DGKI: variants seen among roughly 807,000 people sequenced by gnomAD.
The protein encoded by DGKI is DAG kinase iota.
DGKI carries 55 observed loss-of-function variants against 147.5 expected under a neutral mutation model. The ratio of observed to expected loss-of-function variants is 0.37; its 90% CI spans 0.30 to 0.47. The LOEUF (loss-of-function observed/expected upper bound fraction) is 0.47. Among genes scored for constraint, DGKI ranks in the 20% least tolerant of loss-of-function variants. The probability of loss-of-function intolerance (pLI) is 1.00; values close to 1 mark genes in which losing one functional copy is unlikely to be tolerated. For synonymous variants in DGKI, 469 were observed against 477.1 expected, an observed-to-expected ratio of 0.98 and a Z score of 0.22; for missense variants, 1,007 against 1,323.8, an observed-to-expected ratio of 0.76 and a Z score of 3.71.
intron 1 of DGKI, among the ~76,000 whole-genome samples, chr7:137,763,501 C>T (rs1795921613): frequency 6.6e-6 from 1 of 152,216 alleles, no homozygotes; most frequent in African/African-American, 2.4e-5. Context: ...TGTCCAACGA[C>T]TCCCAAACTG....
At chr7:137,774,226 T>C (rs948465419) in intron 1 of DGKI, among the ~76,000 whole-genome samples, 1 of 152,120 alleles carries the variant, frequency 6.6e-6, no homozygotes, top group Admixed American at 6.5e-5. Flanking sequence ...TAGAGCAACA[T>C]GAAAAGGTAC....
chr7:137,487,927 C>T (rs1042742098), intron 21 of DGKI, among the ~76,000 whole-genome samples: 1 of 152,132 alleles, frequency 6.6e-6, no homozygotes, highest in Admixed American at 6.5e-5. Flanking sequence ...CCACCTGCCC[C>T]TCATCTCATT....
intron 28 of DGKI, among the ~76,000 whole-genome samples, chr7:137,440,536 A>G (rs1813459871): frequency 6.6e-6 from 1 of 152,224 alleles, no homozygotes; most frequent in Non-Finnish European, 1.5e-5. Context: ...CATGGCCGAT[A>G]AAAGAGAGTT....
At position 137,609,624 on chromosome 7, in the gene DGKI, A is replaced by G. The variant is rs755398303; in HGVS notation, c.994-15T>C. ...TTCAGGGAGTTCTGTAGGGAGAGAG[A>G]GAAATGCCTGAGCTCAGAGGCAGCC... On this transcript the variant is annotated splice_polypyrimidine_tract_variant and intron_variant, in intron 8 of 32. Transcript: ENST00000614521. 2.5e-6 allele frequency: 4 copies of G among 1,606,726 alleles called. No individual in the cohort carries two copies. The highest frequency in any genetic ancestry group is 1.1e-5 in the South Asian group (1 of 90,762).
At chr7:137,663,372 A>T in intron 3 of DGKI, among the ~76,000 whole-genome samples, 1 of 152,224 alleles carries the variant, frequency 6.6e-6, no homozygotes, top group East Asian at 1.9e-4. Flanking sequence ...CTGAACCAGT[A>T]AAAAGGGTCT....
chr7:137,489,952 A>G (rs577130004), intron 21 of DGKI, among the ~76,000 whole-genome samples: 4 of 152,284 alleles, frequency 2.6e-5, no homozygotes, highest in Non-Finnish European at 5.9e-5. Flanking sequence ...TATTCAAGAT[A>G]TGGAATCAAG....
At chr7:137,635,442 G>A (rs1328216511) in intron 6 of DGKI, among the ~76,000 whole-genome samples, 3 of 152,154 alleles carry the variant, frequency 2.0e-5, no homozygotes, top group African/African-American at 7.2e-5. Flanking sequence ...GCATATTCAG[G>A]ATATGGGCTT....
At chr7:137,474,547 G>A (rs1225905911) in intron 23 of DGKI, among the ~76,000 whole-genome samples, 1 of 152,154 alleles carries the variant, frequency 6.6e-6, no homozygotes, top group Non-Finnish European at 1.5e-5. Flanking sequence ...TGGCGGTGGT[G>A]GATGCTGGAT....
At chr7:137,818,434 G>A (rs1727394789) in intron 1 of DGKI, among the ~76,000 whole-genome samples, 1 of 151,934 alleles carries the variant, frequency 6.6e-6, no homozygotes, top group African/African-American at 2.4e-5. Context: ...CAATTTTTTT[G>A]TTTGTTTCTT....
At chr7:137,760,857 C>T (rs1795837635) in intron 1 of DGKI, among the ~76,000 whole-genome samples, 1 of 152,158 alleles carries the variant, frequency 6.6e-6, no homozygotes, top group Non-Finnish European at 1.5e-5. Flanking sequence ...TCCCTCCTTC[C>T]TTCCAGTCCA....
intron 1 of DGKI, among the ~76,000 whole-genome samples, chr7:137,799,799 T>C (rs1797139401): frequency 6.6e-6 from 1 of 152,240 alleles, no homozygotes; most frequent in South Asian, 2.1e-4. Context: ...AACTTAGATA[T>C]TGTTTGCTGT....
At chr7:137,393,726 G>A (rs1811447824) in intron 32 of DGKI, among the ~76,000 whole-genome samples, 7 of 152,170 alleles carry the variant, frequency 4.6e-5, no homozygotes, top group Admixed American at 3.9e-4. Context: ...CTAGAAACCA[G>A]GACACAGCTC....
rs867263384 is a variant in DGKI at position 137,381,296 on chromosome 7, C to G, written c.*9924G>C. 2.0e-5 allele frequency: 2 copies of G among 98,916 alleles called. No individual in the cohort carries two copies. The highest frequency in any genetic ancestry group is 3.9e-5 in the Non-Finnish European group (2 of 50,690). The allele number at this position is 98,916 out of a possible 1,614,324, so 6.1% of individuals were successfully genotyped here. A position where few individuals can be genotyped will look rare whatever the true frequency, so the allele number is the denominator to read the frequency against. ...CTTCCCTTTCCCATCCCACCCCCCC[C>G]CCCCCACCCACCCTCCCTCCACTTC... is the stretch of plus-strand genomic sequence containing the variant. On this transcript the variant is annotated 3_prime_UTR_variant, in exon 33 of 33. Coordinates refer to ENST00000614521, the MANE Select transcript of DGKI (RefSeq NM_001321708.2).
At chr7:137,447,647 A>G (rs1585123718) in intron 27 of DGKI, among the ~76,000 whole-genome samples, 1 of 152,344 alleles carries the variant, frequency 6.6e-6, no homozygotes, top group East Asian at 1.9e-4. Context: ...AATGTAAAGG[A>G]GTAACAAAAG....
intron 1 of DGKI, among the ~76,000 whole-genome samples, chr7:137,739,071 C>G (rs113014397): frequency 6.6e-6 from 1 of 152,116 alleles, no homozygotes; most frequent in African/African-American, 2.4e-5. Flanking sequence ...AGAGCCACTT[C>G]ACAGAGTATG....
At chr7:137,471,827 A>G (rs1814902371) in intron 23 of DGKI, among the ~76,000 whole-genome samples, 1 of 148,922 alleles carries the variant, frequency 6.7e-6, no homozygotes, top group Non-Finnish European at 1.5e-5. Context: ...TTATATTTAT[A>G]AATATATCCA....
intron 19 of DGKI, 144 bp from the exon 20 acceptor site, chr7:137,552,712 C>T: frequency 1.3e-6 from 1 of 742,730 alleles, no homozygotes. Flanking sequence ...AGTTCCAGAG[C>T]AGCCTGGCCA....
chr7:137,800,340 C>T lies in DGKI; in HGVS notation c.401+46122G>A, dbSNP rs552821043. ...GTTGGAGGTGGGGCCTGGTGGGAGG[C>T]GTTTGGGTCATGGGGGCAGATCCCT... On this transcript the variant is annotated intron_variant, in intron 1 of 32. Coordinates refer to ENST00000614521, the MANE Select transcript of DGKI (RefSeq NM_001321708.2). Among the ~76,000 whole-genome samples the T allele has an allele frequency of 2.6e-5, 4 of 152,160 alleles. No individual in the cohort carries two copies. In the East Asian group the frequency reaches 5.8e-4, roughly 22 times the overall value.
intron 12 of DGKI, among the ~76,000 whole-genome samples, chr7:137,594,287 T>G (rs1819714214): frequency 6.6e-6 from 1 of 152,314 alleles, no homozygotes; most frequent in Admixed American, 6.5e-5. Flanking sequence ...CCTCAAGTGA[T>G]GTGCTCACCT....
Sources: gnomAD v4.1 joint callset for allele counts (sites outside exome capture counted in the v4.1 genomes callset) on GRCh38, gnomAD v4.1.1 for gene constraint, MANE v1.5 for transcripts, NCBI Gene and HGNC (gene_info 2026-07-23, HGNC 2026-07-21) for gene names.